SIK3: variants seen among roughly 807,000 people sequenced by gnomAD.
SIK3 encodes the protein serine/threonine-protein kinase SIK3.
In SIK3, 28 loss-of-function variants were observed where a neutral mutation model predicts 144.2. The observed-to-expected ratio is 0.19, with a 90% CI of 0.14 to 0.27. The LOEUF is 0.27. Among genes scored for constraint, SIK3 ranks in the 10% least tolerant of loss-of-function variants. The pLI is 1.00. For synonymous variants in SIK3, 686 were observed against 676.3 expected (o/e 1.01, Z -0.22); for missense variants, 1,319 against 1,776.0 (o/e 0.74, Z 4.62).
At chr11:117,097,452 C>T (rs1166464031) in intron 1 of SIK3, among the ~76,000 whole-genome samples, 2 of 150,796 alleles carry the variant, frequency 1.3e-5, no homozygotes, top group African/African-American at 2.4e-5. Context: ...ACCTCACTCC[C>T]CCATTCCCTG....
At chr11:116,984,431 T>C (rs1950257492) in intron 1 of SIK3, among the ~76,000 whole-genome samples, 2 of 152,218 alleles carry the variant, frequency 1.3e-5, no homozygotes, top group Non-Finnish European at 2.9e-5. Flanking sequence ...CAATTTACCC[T>C]ATAAGCAGCA....
rs373483941 is a variant in SIK3 at position 116,873,519 on chromosome 11, G to A, written c.1699C>T (p.Arg567Cys). 1.6e-4 allele frequency: 255 copies of A among 1,613,580 alleles called. No individual in the cohort carries two copies. Among genetic ancestry groups the A allele is most frequent in the Non-Finnish European group, 2.1e-4 (246 of 1,179,828 alleles). ...IQLHAQQLLK[R>C]PRGPSPLVTM... is the part of the protein sequence containing the mutation. ...ACAAGCGGAGAGGGTCCCCGTGGGC[G>A]CTTCAGCAGCTGCTGGGCATGCAGT... The change falls in exon 13 of 25, where the codon CGC (arginine) becomes TGC (cysteine). Residue 567 changes from arginine to cysteine, a missense_variant. Physicochemically the swap from Arg to Cys is radical, Grantham distance 180. Transcript: ENST00000445177.
chr11:117,011,114 T>G (rs917458688), intron 1 of SIK3, among the ~76,000 whole-genome samples: 2 of 152,144 alleles, frequency 1.3e-5, no homozygotes, highest in African/African-American at 4.8e-5. Context: ...CGTGAGACCC[T>G]GTCTCAAACA....
At chr11:116,892,408 T>C (rs74701178) in intron 6 of SIK3, among the ~76,000 whole-genome samples, 3,818 of 152,250 alleles carry the variant, frequency 0.025, 89 homozygotes, top group South Asian at 0.11. Context: ...AAACGACCAA[T>C]AGACCTGAAG....
chr11:116,912,241 G>C (rs1946386871), intron 4 of SIK3, among the ~76,000 whole-genome samples: 1 of 152,182 alleles, frequency 6.6e-6, no homozygotes, highest in South Asian at 2.1e-4. Flanking sequence ...TCAATTTTGA[G>C]ACTTGGAATT....
chr11:116,984,334 T>C (rs547468461), intron 1 of SIK3, among the ~76,000 whole-genome samples: 6 of 152,216 alleles, frequency 3.9e-5, no homozygotes, highest in Non-Finnish European at 7.3e-5. Context: ...GTTATTCATC[T>C]TGAGCAATAT....
chr11:117,008,317 C>T (rs1253831715), intron 1 of SIK3, among the ~76,000 whole-genome samples: 2 of 152,042 alleles, frequency 1.3e-5, no homozygotes, highest in African/African-American at 2.4e-5. Context: ...AATATTATTC[C>T]ATTTCATAGC....
chr11:116,888,090 T>C (rs1006960638), intron 6 of SIK3, among the ~76,000 whole-genome samples: 4 of 152,182 alleles, frequency 2.6e-5, no homozygotes, highest in Admixed American at 2.0e-4. Flanking sequence ...CAGCTGTATG[T>C]AGCTACTCTG....
intron 1 of SIK3, among the ~76,000 whole-genome samples, chr11:117,001,557 G>A (rs757603206): frequency 9.2e-5 from 14 of 151,824 alleles, no homozygotes; most frequent in Admixed American, 2.0e-4. Context: ...AGTGGCTCAC[G>A]TCTATAGTCC....
At chr11:117,060,893 G>A (rs1206559606) in intron 1 of SIK3, among the ~76,000 whole-genome samples, 1 of 152,142 alleles carries the variant, frequency 6.6e-6, no homozygotes, top group Non-Finnish European at 1.5e-5. Context: ...CAGAGATAAT[G>A]GGATATGTGG....
At chr11:117,020,246 T>TATACACAC in intron 1 of SIK3, among the ~76,000 whole-genome samples, 1 of 127,298 alleles carries the variant, frequency 7.9e-6, no homozygotes, top group Non-Finnish European at 1.6e-5. Flanking sequence ...CATATATATA[T>TATACACAC]ACACATACAT....
chr11:116,920,730 A>T (rs1384516087), intron 4 of SIK3, among the ~76,000 whole-genome samples: 1 of 152,138 alleles, frequency 6.6e-6, no homozygotes, highest in African/African-American at 2.4e-5. Flanking sequence ...CTTTATCAGT[A>T]CCGCCTGAAC....
At chr11:116,925,506 T>G (rs1489644023) in intron 4 of SIK3, among the ~76,000 whole-genome samples, 2 of 152,252 alleles carry the variant, frequency 1.3e-5, no homozygotes, top group Non-Finnish European at 2.9e-5. Context: ...CAGCCCTTGC[T>G]GCTGTTTTAA....
rs563946049 is a variant in SIK3, at chr11:116,951,786, T to C, written c.454+2258A>G. ...CTAATCGCTATAAAAATTTAAAAAT[T>C]AGCCTGGCATGGTGGTGTATACCTA... is the stretch of plus-strand genomic sequence containing the variant. On this transcript the variant is annotated intron_variant, in intron 3 of 24. Coordinates refer to ENST00000445177, the MANE Select transcript of SIK3 (RefSeq NM_001366686.3). 3.5e-4 allele frequency among the ~76,000 whole-genome samples: 53 copies of C among 152,002 alleles called. 1 individual carries two copies. Among genetic ancestry groups the C allele is most frequent in the African/African-American group, 1.3e-3 (53 of 41,478 alleles).
intron 4 of SIK3, among the ~76,000 whole-genome samples, chr11:116,912,257 T>C (rs1946387858): frequency 6.6e-6 from 1 of 152,188 alleles, no homozygotes; most frequent in South Asian, 2.1e-4. Context: ...GAATTCTTTG[T>C]TGGAGGTGAG....
chr11:116,952,471 G>A (rs1004956457), intron 3 of SIK3, among the ~76,000 whole-genome samples: 6 of 152,162 alleles, frequency 3.9e-5, no homozygotes, highest in Admixed American at 3.3e-4. Flanking sequence ...TCTTAATTAA[G>A]GCAGGTTTAT....
chr11:117,011,860 G>A (rs1049936903), intron 1 of SIK3, among the ~76,000 whole-genome samples: 9 of 152,030 alleles, frequency 5.9e-5, no homozygotes, highest in Admixed American at 5.2e-4. Context: ...TAGTCCCAAC[G>A]ACTGTGGCAC....
At chr11:116,997,947 A>AT (rs1425319334) in intron 1 of SIK3, among the ~76,000 whole-genome samples, 2 of 152,122 alleles carry the variant, frequency 1.3e-5, no homozygotes, top group Admixed American at 1.3e-4. Flanking sequence ...GCAGCTTTAA[A>AT]TTCCTGGGCT....
intron 13 of SIK3, among the ~76,000 whole-genome samples, chr11:116,871,760 A>ACGCCTGTAATCCCAGCACTTTGGG (rs1943982682): frequency 6.6e-6 from 1 of 152,180 alleles, no homozygotes. Flanking sequence ...ACAAGAGTTA[A>ACGCCTGTAATCCCAGCACTTTGGG]AGATAAAATT....
Sources: allele counts gnomAD v4.1 joint callset (sites outside exome capture counted in the v4.1 genomes callset), GRCh38; gene constraint gnomAD v4.1.1; transcripts MANE v1.5; gene names NCBI Gene and HGNC (gene_info 2026-07-23, HGNC 2026-07-21).